The following TMEM131L variants were observed in gnomAD, a reference collection of about 807,000 sequenced individuals.
The protein encoded by TMEM131L is transmembrane protein 131-like.
A neutral mutation model predicts 192.2 loss-of-function variants in TMEM131L; 54 were observed. The ratio of observed to expected loss-of-function variants is 0.28; its 90% confidence interval spans 0.23 to 0.35. The LOEUF is 0.35. Ranked by LOEUF, TMEM131L falls within the 10% of genes least tolerant of loss-of-function variation. The probability of loss-of-function intolerance (pLI) is 1.00; values close to 1 mark genes in which losing one functional copy is unlikely to be tolerated. For synonymous variants in TMEM131L, 701 were observed against 704.9 expected, an observed-to-expected ratio of 0.99 and a Z score of 0.09; for missense variants, 1,888 against 1,972.9, an observed-to-expected ratio of 0.96 and a Z score of 0.82.
At chr4:153,595,476 A>G (rs189813870) in intron 19 of TMEM131L, among the ~76,000 whole-genome samples, 1 of 152,242 alleles carries the variant, frequency 6.6e-6, no homozygotes, top group Admixed American at 6.5e-5. Context: ...TACTATTACT[A>G]TTCTCTTTTT....
At chr4:153,485,221 A>G (rs527394969) in intron 3 of TMEM131L, among the ~76,000 whole-genome samples, 14 of 151,658 alleles carry the variant, frequency 9.2e-5, no homozygotes, top group African/African-American at 3.1e-4. Context: ...TTCTAGTACA[A>G]TTTATGTTTC....
At chr4:153,549,876 A>G (rs1450749123) in intron 3 of TMEM131L, among the ~76,000 whole-genome samples, 197 bp from the exon 4 acceptor site, 28 of 152,254 alleles carry the variant, frequency 1.8e-4, no homozygotes, top group Admixed American at 1.8e-3. Context: ...AAGTTCTACT[A>G]ACCGTAATCT....
chr4:153,591,822 G>GA (rs1378734618), intron 17 of TMEM131L, among the ~76,000 whole-genome samples: 1 of 152,132 alleles, frequency 6.6e-6, no homozygotes, highest in East Asian at 1.9e-4. Flanking sequence ...TCAACTTAGA[G>GA]AAAAGTTTCA....
intron 7 of TMEM131L, among the ~76,000 whole-genome samples, chr4:153,574,209 A>G (rs1239691807): frequency 6.6e-6 from 1 of 152,190 alleles, no homozygotes; most frequent in African/African-American, 2.4e-5. Context: ...CTCAAAGCAA[A>G]CTAATTTCAG....
chr4:153,581,367 G>T, intron 8 of TMEM131L, 40 bp from the exon 9 acceptor site: 2 of 1,454,624 alleles, frequency 1.4e-6, no homozygotes, highest in South Asian at 1.5e-5. Flanking sequence ...AAGTTGAGAT[G>T]ATTTTTTTTT....
chr4:153,519,428 C>T (rs1734955997), intron 3 of TMEM131L, among the ~76,000 whole-genome samples: 1 of 152,168 alleles, frequency 6.6e-6, no homozygotes, highest in Non-Finnish European at 1.5e-5. Flanking sequence ...AGAAGTGTTA[C>T]TCAAACTTTA....
chr4:153,480,517 CAAAAAAAAAAA>C (rs1157080931), intron 3 of TMEM131L, among the ~76,000 whole-genome samples: 1 of 50,784 alleles, frequency 2.0e-5, no homozygotes, highest in East Asian at 5.3e-4. Flanking sequence ...GACTCCATCT[CAAAAAAAAAAA>C]AAAAAAAAAA....
chr4:153,493,302 T>A lies in TMEM131L; in HGVS notation c.239+19414T>A, dbSNP rs375208597. Among the ~76,000 whole-genome samples the A allele has an allele frequency of 7.8e-5, 10 of 127,396 alleles. No homozygotes were observed. In the East Asian group the frequency reaches 9.4e-4, roughly 12 times the overall value. The allele number at this position is 127,396 out of a possible 152,430, so 83.6% of individuals were successfully genotyped here. On this transcript the variant is annotated intron_variant, in intron 3 of 34. Transcript: ENST00000409959. The stretch of plus-strand genomic sequence containing the variant: ...CGGAGCTTGCAGTGAGCGGAGATAG[T>A]GCCACTGCATTCCAGCCTGGGTGAC...
chr4:153,494,763 T>A (rs1580067454), intron 3 of TMEM131L, among the ~76,000 whole-genome samples: 1 of 152,310 alleles, frequency 6.6e-6, no homozygotes, highest in East Asian at 1.9e-4. Flanking sequence ...ATGGAAAAGC[T>A]GGAAAGTTCT....
chr4:153,553,274 G>C (rs1737768979), intron 4 of TMEM131L, among the ~76,000 whole-genome samples: 1 of 152,060 alleles, frequency 6.6e-6, no homozygotes, highest in African/African-American at 2.4e-5. Context: ...ATATCTCTTT[G>C]TTTGAGCATG....
chr4:153,538,747 CATCT>C (rs1736532548), intron 3 of TMEM131L, among the ~76,000 whole-genome samples: 1 of 152,206 alleles, frequency 6.6e-6, no homozygotes, highest in Non-Finnish European at 1.5e-5. Context: ...TTAAAGCTTA[CATCT>C]TAAGAGAGTG....
At chr4:153,486,373 C>G (rs916299185) in intron 3 of TMEM131L, among the ~76,000 whole-genome samples, 1 of 152,192 alleles carries the variant, frequency 6.6e-6, no homozygotes, top group African/African-American at 2.4e-5. Flanking sequence ...TGAGAGGTTG[C>G]CTTTAGAGGA....
chr4:153,556,982 G>A lies in TMEM131L; in HGVS notation c.449G>A (p.Gly150Glu). 1 of 1,591,858 alleles carries A rather than the reference G, an allele frequency of 6.3e-7. No individual in the cohort carries two copies. The highest frequency in any genetic ancestry group is 8.6e-7 in the Non-Finnish European group (1 of 1,162,414). ...TTCTTTCAGGTAATTCCAGCAATGGGGAAAACTTCCTTCAGAATTATTTTC... is the reference window on the plus strand; with the variant it reads ...TTCTTTCAGGTAATTCCAGCAATGGAGAAAACTTCCTTCAGAATTATTTTC... Reference protein sequence around the residue: ...PVPCRVIPAMGKTSFRIIFLP... With the variant: ...PVPCRVIPAMEKTSFRIIFLP... Residue 150 changes from glycine to glutamate, a missense_variant, in exon 6 of 35, where the codon GGG becomes GAG. Physicochemically the swap from Gly to Glu is moderately conservative, Grantham distance 98 (BLOSUM62 -2). Transcript: ENST00000409959.
intron 14 of TMEM131L, 31 bp downstream of exon 14, chr4:153,586,410 AGTTTT>A: frequency 6.7e-7 from 1 of 1,493,920 alleles, no homozygotes; most frequent in Non-Finnish European, 9.0e-7. Flanking sequence ...TGTGTGTTAC[AGTTTT>A]CTTAATTACT....
chr4:153,592,940 A>G (rs914056167), intron 18 of TMEM131L, among the ~76,000 whole-genome samples: 4 of 152,160 alleles, frequency 2.6e-5, no homozygotes, highest in Non-Finnish European at 4.4e-5. Context: ...TTTTAGTCCA[A>G]TTGGCCCTCC....
chr4:153,620,929 T>A (rs759374166), intron 27 of TMEM131L, 49 bp downstream of exon 27: 1 of 1,472,772 alleles, frequency 6.8e-7, no homozygotes, highest in Non-Finnish European at 9.1e-7. Context: ...TTTCACTTTA[T>A]AATTTTGCAT....
intron 17 of TMEM131L, 84 bp from the exon 18 acceptor site, chr4:153,592,391 T>C (rs1387567616): frequency 9.5e-6 from 8 of 839,718 alleles, no homozygotes; most frequent in Non-Finnish European, 1.6e-5. Context: ...TTCCTCATGA[T>C]TAGGTTATGC....
At chr4:153,542,891 T>C (rs577678114) in intron 3 of TMEM131L, among the ~76,000 whole-genome samples, 9 of 152,174 alleles carry the variant, frequency 5.9e-5, no homozygotes, top group African/African-American at 2.2e-4. Flanking sequence ...ACAGACGCAA[T>C]GTCTCCTCCT....
intron 3 of TMEM131L, among the ~76,000 whole-genome samples, chr4:153,501,701 C>T (rs1166195295): frequency 6.6e-6 from 1 of 152,094 alleles, no homozygotes; most frequent in Non-Finnish European, 1.5e-5. Flanking sequence ...ACAGAAAACC[C>T]AGTAACATAA....
Sources: gnomAD v4.1 joint callset for allele counts (sites outside exome capture counted in the v4.1 genomes callset) on GRCh38, gnomAD v4.1.1 for gene constraint, MANE v1.5 for transcripts, NCBI Gene and HGNC (gene_info 2026-07-23, HGNC 2026-07-21) for gene names.